The following AKAP9 variants were observed in gnomAD, a reference collection of about 807,000 sequenced individuals.
The protein encoded by AKAP9 is A-kinase anchoring protein 9, also known as A-kinase anchor protein 9.
In AKAP9, 311 loss-of-function variants were observed where a neutral mutation model predicts 488.5. That is an observed-to-expected ratio of 0.64 (90% CI 0.58 to 0.70). The LOEUF is 0.70. Among genes scored for constraint, AKAP9 ranks in the 30% least tolerant of loss-of-function variants. The pLI is 0.00. For synonymous variants in AKAP9, 1,462 were observed against 1,483.5 expected, an observed-to-expected ratio of 0.99 and a Z score of 0.33; for missense variants, 4,215 against 4,374.5, an observed-to-expected ratio of 0.96 and a Z score of 1.03.
chr7:92,048,691 G>C (rs1304679449), intron 21 of AKAP9, among the ~76,000 whole-genome samples: 1 of 152,206 alleles, frequency 6.6e-6, no homozygotes, highest in Non-Finnish European at 1.5e-5. Flanking sequence ...CAGATCACCT[G>C]AAGTCAGGAG....
At position 92,089,658 on chromosome 7, in the gene AKAP9, A is replaced by G. The variant is rs368762001; in HGVS notation, c.9358+129A>G. ...ATTTTCTTCTCATTCTCATAATGTT[A>G]AGGATACAATCTATATTAATTACTC... On this transcript the variant is annotated intron_variant, in intron 38 of 49. Coordinates refer to ENST00000356239, the MANE Select transcript of AKAP9 (RefSeq NM_005751.5). 51 of 1,062,172 alleles carry G rather than the reference A, an allele frequency of 4.8e-5. 1 individual carries two copies. In the East Asian group the frequency reaches 4.8e-4, roughly 10 times the overall value. The allele number at this position is 1,062,172 out of a possible 1,614,324, so 65.8% of individuals were successfully genotyped here.
chr7:92,108,019 C>CAAAAAAAAAAAAAAGAAAAA (rs1818805519), intron 48 of AKAP9: 1 of 142,822 alleles, frequency 7.0e-6, no homozygotes, highest in African/African-American at 2.9e-5. Context: ...ATTTGGTCTC[C>CAAAAAAAAAAAAAAGAAAAA]AAAAAAAAAA....
intron 2 of AKAP9, among the ~76,000 whole-genome samples, chr7:91,977,076 A>C (rs1194904136): frequency 1.3e-5 from 2 of 150,564 alleles, no homozygotes; most frequent in African/African-American, 4.9e-5. Flanking sequence ...CTGGGCAAAA[A>C]AGGGATATTC....
intron 6 of AKAP9, 91 bp downstream of exon 6, chr7:91,994,867 A>G: frequency 7.8e-7 from 1 of 1,281,002 alleles, no homozygotes; most frequent in Non-Finnish European, 1.1e-6. Context: ...TTTGTTAAAA[A>G]AGCCATTTCG....
At chr7:91,992,842 A>G in intron 4 of AKAP9, 43 bp from the exon 5 acceptor site, 1 of 1,564,134 alleles carries the variant, frequency 6.4e-7, no homozygotes, top group Non-Finnish European at 8.8e-7. Flanking sequence ...TCCCTAAGGA[A>G]TATTGCTAAT....
chr7:91,962,396 A>G (rs1793837737), intron 1 of AKAP9, among the ~76,000 whole-genome samples: 1 of 152,162 alleles, frequency 6.6e-6, no homozygotes, highest in African/African-American at 2.4e-5. Flanking sequence ...AATTCATTTA[A>G]TAAGTAACTA....
chr7:91,946,781 A>G (rs529102272), intron 1 of AKAP9, among the ~76,000 whole-genome samples: 1 of 152,352 alleles, frequency 6.6e-6, no homozygotes, highest in South Asian at 2.1e-4. Flanking sequence ...GCTCATGGAA[A>G]GAGGAAGTGA....
intron 7 of AKAP9, among the ~76,000 whole-genome samples, chr7:92,000,034 T>C (rs1376290853): frequency 6.6e-6 from 1 of 152,274 alleles, no homozygotes; most frequent in South Asian, 2.1e-4. Context: ...AGTAAGTTAC[T>C]GAAGCAAAAC....
At chr7:92,022,116 A>G in intron 12 of AKAP9, 122 bp from the exon 13 acceptor site, 1 of 747,574 alleles carries the variant, frequency 1.3e-6, no homozygotes, top group South Asian at 1.5e-5. Context: ...TGCTTGTATT[A>G]GAGTGCCACA....
chr7:91,953,866 G>A (rs1390293441), intron 1 of AKAP9, among the ~76,000 whole-genome samples: 1 of 150,328 alleles, frequency 6.7e-6, no homozygotes. Flanking sequence ...GCCACCAGGT[G>A]GCAGTTATAT....
At chr7:92,064,361 A>G (rs1240575388) in intron 24 of AKAP9, among the ~76,000 whole-genome samples, 1 of 151,924 alleles carries the variant, frequency 6.6e-6, no homozygotes, top group Non-Finnish European at 1.5e-5. Flanking sequence ...CTTCATTAGA[A>G]GATTGTTTTA....
intron 13 of AKAP9, among the ~76,000 whole-genome samples, 166 bp downstream of exon 13, chr7:92,022,518 T>C (rs1397051503): frequency 6.6e-6 from 1 of 152,246 alleles, no homozygotes; most frequent in Non-Finnish European, 1.5e-5. Flanking sequence ...GACTACTTTC[T>C]ATTTGGTCCT....
intron 1 of AKAP9, among the ~76,000 whole-genome samples, chr7:91,950,868 A>G (rs1380867860): frequency 6.6e-6 from 1 of 152,194 alleles, no homozygotes; most frequent in African/African-American, 2.4e-5. Context: ...AAAGTTACAG[A>G]AACTCTTTTC....
rs1183917766 is a variant in AKAP9 at position 91,974,167 on chromosome 7, G to A, written c.306+199G>A. On this transcript the variant is annotated intron_variant, in intron 2 of 49. Coordinates refer to ENST00000356239, the MANE Select transcript of AKAP9 (RefSeq NM_005751.5). ...GTTTTGTGAGTTTAATTTAATATAT[G>A]TTGAACAACTGCAGTACACCAAAGA... Among the ~76,000 whole-genome samples, 4 of 152,108 alleles carry A rather than the reference G, an allele frequency of 2.6e-5. 1 individual carries two copies. The highest frequency in any genetic ancestry group is 2.6e-4 in the Admixed American group (4 of 15,278).
At chr7:91,972,606 G>A (rs1242136701) in intron 1 of AKAP9, among the ~76,000 whole-genome samples, 6 of 152,226 alleles carry the variant, frequency 3.9e-5, no homozygotes, top group Non-Finnish European at 8.8e-5. Flanking sequence ...GATATCGCCA[G>A]TAATAATCTA....
intron 4 of AKAP9, among the ~76,000 whole-genome samples, chr7:91,992,492 C>T (rs1460574169): frequency 6.6e-6 from 1 of 151,844 alleles, no homozygotes; most frequent in Non-Finnish European, 1.5e-5. Context: ...GGTGAAACCG[C>T]ATCTCTACTA....
At chr7:91,946,652 G>A (rs1395726133) in intron 1 of AKAP9, among the ~76,000 whole-genome samples, 1 of 152,142 alleles carries the variant, frequency 6.6e-6, no homozygotes, top group Non-Finnish European at 1.5e-5. Flanking sequence ...GAGATTATAG[G>A]GGTGACCCAC....
chr7:91,976,020 C>T (rs1356693323), intron 2 of AKAP9, among the ~76,000 whole-genome samples: 4 of 151,220 alleles, frequency 2.6e-5, no homozygotes, highest in African/African-American at 9.7e-5. Flanking sequence ...TCTCCACCTC[C>T]CAGGTTCGAG....
intron 39 of AKAP9, among the ~76,000 whole-genome samples, chr7:92,094,799 C>T (rs1330296562): frequency 6.6e-6 from 1 of 152,206 alleles, no homozygotes; most frequent in Non-Finnish European, 1.5e-5. Flanking sequence ...CGCTACTGCA[C>T]TCCAGCCTGG....
Sources: allele counts gnomAD v4.1 joint callset (sites outside exome capture counted in the v4.1 genomes callset), GRCh38; gene constraint gnomAD v4.1.1; transcripts MANE v1.5; gene names NCBI Gene and HGNC (gene_info 2026-07-23, HGNC 2026-07-21).